KIF1B: variants seen among roughly 807,000 people sequenced by gnomAD.
The protein encoded by KIF1B is kinesin family member 1B.
KIF1B carries 76 observed loss-of-function variants against 241.9 expected under a neutral mutation model. The ratio of observed to expected loss-of-function variants is 0.31; its 90% CI spans 0.26 to 0.38. The LOEUF is 0.38. KIF1B is among the 10% of genes least tolerant of loss of function. The probability of loss-of-function intolerance (pLI) is 1.00; values close to 1 mark genes in which losing one functional copy is unlikely to be tolerated. For synonymous variants in KIF1B, 750 were observed against 796.7 expected (o/e 0.94, Z 0.99); for missense variants, 1,622 against 2,271.4 (o/e 0.71, Z 5.81).
At position 10,303,379 on chromosome 1, in the gene KIF1B, A is replaced by G. The variant is rs1650639398; in HGVS notation, c.2115+6133A>G. The stretch of plus-strand genomic sequence containing the variant: ...GAGTAAAGATTCCAAGTGGGTCACA[A>G]TCTCAGATCTTAAAATTCAGGCTGT... On this transcript the variant is annotated intron_variant, in intron 22 of 48. Transcript: ENST00000676179. This position sits in a 1 kb window ranked among gnomAD's most constrained non-coding sequence, Gnocchi z 5.2. 2 of 1,614,100 alleles carry G rather than the reference A, an allele frequency of 1.2e-6. No individual in the cohort carries two copies. The highest frequency in any genetic ancestry group is 1.7e-6 in the Non-Finnish European group (2 of 1,180,044).
intron 38 of KIF1B, chr1:10,355,266 T>A (rs988561739): frequency 6.6e-6 from 1 of 152,462 alleles, no homozygotes; most frequent in Non-Finnish European, 1.5e-5. Context: ...ACTTTGCTTA[T>A]CAGCAAATTT....
chr1:10,378,320 T>C lies in KIF1B; in HGVS notation c.*1733T>C. 1 of 717,886 alleles carries C rather than the reference T, an allele frequency of 1.4e-6. No homozygotes were observed. The highest frequency in any genetic ancestry group is 2.6e-6 in the Non-Finnish European group (1 of 385,182). 44.5% of individuals were successfully genotyped at this position (717,886 alleles called of 1,614,324 possible). A position where few individuals can be genotyped will look rare whatever the true frequency, so the allele number is the denominator to read the frequency against. ...AAAGGAGGAAGCTCACTGTGGACAG[T>C]CTTCTTTCCTTCTGACAGACCAGGT... On this transcript the variant is annotated 3_prime_UTR_variant, in exon 49 of 49. Coordinates refer to ENST00000676179, the MANE Select transcript of KIF1B (RefSeq NM_001365951.3).
chr1:10,346,023 T>C, intron 35 of KIF1B, 70 bp downstream of exon 35: 3 of 992,464 alleles, frequency 3.0e-6, no homozygotes, highest in Non-Finnish European at 4.8e-6. Context: ...TTTTGAATCT[T>C]CTTGTATTTG....
intron 38 of KIF1B, among the ~76,000 whole-genome samples, 172 bp from the exon 39 acceptor site, chr1:10,360,757 C>T (rs948362813): frequency 3.3e-5 from 5 of 151,304 alleles, no homozygotes. Context: ...AGGATGGGGA[C>T]CTATCTTTTC....
At chr1:10,335,161 C>T (rs1007540106) in intron 28 of KIF1B, among the ~76,000 whole-genome samples, 3 of 152,274 alleles carry the variant, frequency 2.0e-5, no homozygotes, top group South Asian at 2.1e-4. Context: ...AGCATAGTCT[C>T]GATCGAACTC....
intron 37 of KIF1B, among the ~76,000 whole-genome samples, chr1:10,349,886 A>G (rs1426581443): frequency 6.6e-6 from 1 of 152,260 alleles, no homozygotes; most frequent in Non-Finnish European, 1.5e-5. Flanking sequence ...GGAAACCGAT[A>G]ATATTGAAAT....
intron 22 of KIF1B, among the ~76,000 whole-genome samples, chr1:10,310,014 C>T (rs1651000267): frequency 6.6e-6 from 1 of 151,516 alleles, no homozygotes; most frequent in Non-Finnish European, 1.5e-5. Flanking sequence ...CTCCTCAGCT[C>T]TTTCTGCCCA....
At chr1:10,319,936 C>T (rs1014642711) in intron 22 of KIF1B, 107 bp from the exon 23 acceptor site, 5 of 749,718 alleles carry the variant, frequency 6.7e-6, no homozygotes, top group East Asian at 5.5e-5. Flanking sequence ...TGTCTCTTTT[C>T]CTTGTCCTTT....
chr1:10,240,679 A>G (rs1647123357), intron 2 of KIF1B, among the ~76,000 whole-genome samples: 1 of 151,628 alleles, frequency 6.6e-6, no homozygotes, highest in South Asian at 2.1e-4. Context: ...AAAAATCAAT[A>G]TAAAAATGGA....
chr1:10,306,654 T>C (rs1650841051), intron 22 of KIF1B: 1 of 672,198 alleles, frequency 1.5e-6, no homozygotes, highest in East Asian at 6.1e-5. Flanking sequence ...CAGCCCAGGT[T>C]GGAAATGGAG....
At chr1:10,220,371 AATAGATAG>A (rs1553160021) in intron 1 of KIF1B, among the ~76,000 whole-genome samples, 68 of 143,678 alleles carry the variant, frequency 4.7e-4, no homozygotes, top group Non-Finnish European at 8.3e-4. Flanking sequence ...ACCCTGTTTC[AATAGATAG>A]ATAGATAGAT....
chr1:10,230,424 G>GTTTTTT (rs1646965092), intron 1 of KIF1B, among the ~76,000 whole-genome samples: 1 of 147,944 alleles, frequency 6.8e-6, no homozygotes, highest in African/African-American at 2.5e-5. Flanking sequence ...AGAAAAATTG[G>GTTTTTT]TTGTTTTTTT....
intron 2 of KIF1B, among the ~76,000 whole-genome samples, chr1:10,238,381 C>CAAAAAAAA (rs755794359): frequency 9.2e-5 from 8 of 87,136 alleles, no homozygotes; most frequent in African/African-American, 3.0e-4. Flanking sequence ...AACTTTGTCT[C>CAAAAAAAA]AAAAAAAAAA....
intron 11 of KIF1B, 112 bp downstream of exon 11, chr1:10,275,615 T>C (rs1040369019): frequency 1.3e-6 from 1 of 768,578 alleles, no homozygotes; most frequent in Non-Finnish European, 2.4e-6. Context: ...TTCATGTTAC[T>C]ACTTGAGTGT....
At chr1:10,332,379 T>C (rs961571138) in intron 27 of KIF1B, among the ~76,000 whole-genome samples, 6 of 151,942 alleles carry the variant, frequency 3.9e-5, no homozygotes, top group Non-Finnish European at 4.4e-5. Flanking sequence ...AACATTTATC[T>C]TGATGCCCAT....
chr1:10,362,411 G>A (rs1638446001), intron 40 of KIF1B, among the ~76,000 whole-genome samples: 1 of 151,498 alleles, frequency 6.6e-6, no homozygotes, highest in South Asian at 2.1e-4. Context: ...GGGAGGTTGA[G>A]GTTGCAGTGA....
rs545463501 is a variant in KIF1B at position 10,287,336 on chromosome 1, A to G, written c.1435-3746A>G. Among the ~76,000 whole-genome samples the G allele has an allele frequency of 4.6e-5, 7 of 152,232 alleles. 2 individuals carry two copies. The highest frequency in any genetic ancestry group is 1.7e-4 in the African/African-American group (7 of 41,542). ...TTCAGCCTCCCAAGTAACTGGGACT[A>G]CAGGTGCGTGCCACTGTGCCCGGCT... is the stretch of plus-strand genomic sequence containing the variant. On this transcript the variant is annotated intron_variant, in intron 15 of 48. Coordinates refer to ENST00000676179, the MANE Select transcript of KIF1B (RefSeq NM_001365951.3).
chr1:10,362,541 C>T (rs1188249803), intron 40 of KIF1B, among the ~76,000 whole-genome samples: 1 of 150,538 alleles, frequency 6.6e-6, no homozygotes, highest in Non-Finnish European at 1.5e-5. Flanking sequence ...CAATGAATAC[C>T]TGTGTATCAC....
Position 10,378,674 on chromosome 1 carries a change from A to G in KIF1B, c.*2087A>G, listed in dbSNP as rs1276496343. On this transcript the variant is annotated 3_prime_UTR_variant, in exon 49 of 49. Coordinates refer to ENST00000676179, the MANE Select transcript of KIF1B (RefSeq NM_001365951.3). ...TGCGCGCCTCTGCAGAGTTGTTGCT[A>G]GGGAGACTTGTGTCATCATCCACAA... is the stretch of plus-strand genomic sequence containing the variant. 8.1e-6 allele frequency: 4 copies of G among 493,364 alleles called. No individual in the cohort carries two copies. The highest frequency in any genetic ancestry group is 1.5e-5 in the Non-Finnish European group (4 of 272,802). 30.6% of individuals were successfully genotyped at this position (493,364 alleles called of 1,614,324 possible). A position where few individuals can be genotyped will look rare whatever the true frequency, so the allele number is the denominator to read the frequency against.
Sources: allele counts gnomAD v4.1 joint callset (sites outside exome capture counted in the v4.1 genomes callset), GRCh38; gene constraint gnomAD v4.1.1; non-coding constraint Gnocchi (gnomAD v3.1); transcripts MANE v1.5; gene names NCBI Gene and HGNC (gene_info 2026-07-23, HGNC 2026-07-21).